The following AK8 variants were observed in gnomAD, a reference collection of about 807,000 sequenced individuals.
The protein encoded by AK8 is adenylate kinase 8.
In AK8, 44 loss-of-function variants were observed where a neutral mutation model predicts 54.6. The observed-to-expected ratio is 0.81, with a 90% CI of 0.63 to 1.04. The LOEUF (loss-of-function observed/expected upper bound fraction) is 1.04. AK8 is among the 50% of genes least tolerant of loss of function. The pLI is 0.00. For synonymous variants in AK8, 239 were observed against 245.6 expected (o/e 0.97, Z 0.25); for missense variants, 555 against 613.6 (o/e 0.90, Z 1.01).
At position 132,837,211 on chromosome 9, in the gene AK8, C is replaced by T. The variant is rs375013724; in HGVS notation, c.403-8485G>A. On this transcript the variant is annotated intron_variant, in intron 5 of 12. Coordinates refer to ENST00000298545, the MANE Select transcript of AK8 (RefSeq NM_152572.3). This position sits in a 1 kb window ranked among gnomAD's most constrained non-coding sequence, Gnocchi z 4.3. ...GCGGGCGCCTGTAATCCCAGCTACT[C>T]GGGAGACTGAGGCAGGAGAATCGCT... 2.7e-5 allele frequency among the ~76,000 whole-genome samples: 4 copies of T among 150,804 alleles called. No individual in the cohort carries two copies. The East Asian group carries it at 7.9e-4, about 30-fold the overall frequency.
rs967743096 is a variant in AK8 at position 132,808,577 on chromosome 9, T to A, written c.979+6061A>T. ...AGGACAAAAAAAGAACATAACTAAGTCTGCAGAGGTCACGGCTGGGACATA... is the reference window on the plus strand; with the variant it reads ...AGGACAAAAAAAGAACATAACTAAGACTGCAGAGGTCACGGCTGGGACATA... On this transcript the variant is annotated intron_variant, in intron 10 of 12. Coordinates refer to ENST00000298545, the MANE Select transcript of AK8 (RefSeq NM_152572.3). 6.6e-5 allele frequency among the ~76,000 whole-genome samples: 10 copies of A among 152,284 alleles called. No homozygotes were observed. The East Asian group carries it at 1.5e-3, about 24-fold the overall frequency.
intron 11 of AK8, among the ~76,000 whole-genome samples, chr9:132,740,710 C>CA (rs912790047): frequency 2.1e-5 from 3 of 146,056 alleles, no homozygotes; most frequent in Non-Finnish European, 4.6e-5. Context: ...TAGAGCTGAG[C>CA]ACCCCCCCGC....
intron 11 of AK8, among the ~76,000 whole-genome samples, chr9:132,730,721 T>C (rs1836803696): frequency 6.6e-6 from 1 of 152,144 alleles, no homozygotes; most frequent in Admixed American, 6.5e-5. Flanking sequence ...CCAAAGGTCC[T>C]GTGAGCCCCG....
Position 132,827,056 on chromosome 9 carries a change from T to C in AK8, c.557-2A>G, listed in dbSNP as rs200008603. 7 of 1,611,798 alleles carry C rather than the reference T, an allele frequency of 4.3e-6. No homozygotes were observed. In the East Asian group the frequency reaches 1.6e-4, roughly 36 times the overall value. On this transcript the variant is annotated splice_acceptor_variant, in intron 7 of 12. Coordinates refer to ENST00000298545, the MANE Select transcript of AK8 (RefSeq NM_152572.3). LOFTEE classifies it high-confidence loss of function. ...AGTCAAAGGTGGTGTGATAAATCTCTACAAGGAGAGAGGTGCACAGTTAGA... is the reference window on the plus strand; with the variant it reads ...AGTCAAAGGTGGTGTGATAAATCTCCACAAGGAGAGAGGTGCACAGTTAGA...
chr9:132,867,300 G>A (rs1843642589), intron 2 of AK8, among the ~76,000 whole-genome samples: 1 of 152,192 alleles, frequency 6.6e-6, no homozygotes, highest in South Asian at 2.1e-4. Flanking sequence ...CAATAAGGCT[G>A]TAATTTATGC....
chr9:132,745,019 T>C (rs531964701), intron 11 of AK8, among the ~76,000 whole-genome samples: 17 of 152,222 alleles, frequency 1.1e-4, no homozygotes, highest in African/African-American at 3.1e-4. Flanking sequence ...AGCTCACAGA[T>C]TGAGTTTCTG....
chr9:132,790,837 T>C lies in AK8; in HGVS notation c.1121+1797A>G, dbSNP rs113995801. 3.2e-3 allele frequency among the ~76,000 whole-genome samples: 481 copies of C among 152,280 alleles called. 1 individual carries two copies. The highest frequency in any genetic ancestry group is 0.011 in the African/African-American group (459 of 41,546). ...CAGTAAGAGGGTTTGAGAAGGTGGC[T>C]GGGGTATAAAATAAGTAAGCCAAAA... On this transcript the variant is annotated intron_variant, in intron 11 of 12. Transcript: ENST00000298545. This position sits in a 1 kb window ranked among gnomAD's most constrained non-coding sequence, Gnocchi z 4.1.
intron 8 of AK8, among the ~76,000 whole-genome samples, chr9:132,823,577 T>C (rs1333009312): frequency 6.6e-6 from 1 of 152,200 alleles, no homozygotes; most frequent in African/African-American, 2.4e-5. Flanking sequence ...CGCCCTGGAT[T>C]CCTCTCAACA....
At chr9:132,757,094 G>A (rs1305903729) in intron 11 of AK8, among the ~76,000 whole-genome samples, 2 of 152,072 alleles carry the variant, frequency 1.3e-5, no homozygotes, top group Non-Finnish European at 2.9e-5. Context: ...CTATTACACC[G>A]CAGCAGTTGC....
intron 11 of AK8, among the ~76,000 whole-genome samples, chr9:132,771,849 T>C (rs889791648): frequency 1.3e-5 from 2 of 152,162 alleles, no homozygotes; most frequent in Admixed American, 6.5e-5. Context: ...GGGTAATTTA[T>C]ACAGGAAAGA....
chr9:132,770,396 A>C lies in AK8; in HGVS notation c.1121+22238T>G, dbSNP rs1838912158. Among the ~76,000 whole-genome samples, 1 of 151,664 alleles carries C rather than the reference A, an allele frequency of 6.6e-6. No individual in the cohort carries two copies. The highest frequency in any genetic ancestry group is 1.5e-5 in the Non-Finnish European group (1 of 67,888). On this transcript the variant is annotated intron_variant, in intron 11 of 12. Transcript: ENST00000298545. This position sits in a 1 kb window ranked among gnomAD's most constrained non-coding sequence, Gnocchi z 4.3. ...TGGCGTCCAGGGGCCTCTGGGTTTG[A>C]CTTTCATGGCTATGAATCTCGGAAT...
chr9:132,809,545 C>T (rs1032111255), intron 10 of AK8, among the ~76,000 whole-genome samples: 41 of 152,302 alleles, frequency 2.7e-4, no homozygotes, highest in African/African-American at 8.9e-4. Flanking sequence ...CTGGGGCAAG[C>T]GTGGGGGCCC....
chr9:132,846,675 T>C (rs1842765653), intron 5 of AK8, among the ~76,000 whole-genome samples: 1 of 152,164 alleles, frequency 6.6e-6, no homozygotes, highest in African/African-American at 2.4e-5. Flanking sequence ...GGCCTGTGAA[T>C]GGCACAAAAC....
chr9:132,803,713 C>G lies in AK8; in HGVS notation c.979+10925G>C, dbSNP rs544703122. Among the ~76,000 whole-genome samples, 1 of 152,256 alleles carries G rather than the reference C, an allele frequency of 6.6e-6. No homozygotes were observed. Among genetic ancestry groups the G allele is most frequent in the Non-Finnish European group, 1.5e-5 (1 of 68,014 alleles). On this transcript the variant is annotated intron_variant, in intron 10 of 12. Coordinates refer to ENST00000298545, the MANE Select transcript of AK8 (RefSeq NM_152572.3). This position sits in a 1 kb window ranked among gnomAD's most constrained non-coding sequence, Gnocchi z 4.4. ...GGAACCAAGTCTGTGTGATTCTGAG[C>G]CACGGCCCCTCCCATCTGGGAGTGA...
chr9:132,823,110 C>CA (rs1206418906), intron 9 of AK8, 95 bp downstream of exon 9: 1 of 1,464,264 alleles, frequency 6.8e-7, no homozygotes, highest in African/African-American at 1.5e-5. Context: ...CCTTCCCCCC[C>CA]AACACCACCC....
intron 11 of AK8, among the ~76,000 whole-genome samples, chr9:132,735,407 G>A (rs942155271): frequency 6.6e-6 from 1 of 152,206 alleles, no homozygotes; most frequent in Non-Finnish European, 1.5e-5. Context: ...TATGATGCCC[G>A]GTTCTGCCCA....
intron 8 of AK8, among the ~76,000 whole-genome samples, chr9:132,825,602 C>A (rs1002145425): frequency 1.3e-5 from 2 of 152,122 alleles, no homozygotes; most frequent in African/African-American, 2.4e-5. Flanking sequence ...CTAACCCACC[C>A]GCTGGCTGAT....
chr9:132,796,134 A>T (rs1457566275), intron 10 of AK8, among the ~76,000 whole-genome samples: 1 of 152,194 alleles, frequency 6.6e-6, no homozygotes, highest in East Asian at 1.9e-4. Context: ...AAGGTCATCT[A>T]GCCAGCTGGT....
rs1193725143 is a variant in AK8, at chr9:132,826,876, T to C, written c.735A>G (p.Pro245=). The C allele has an allele frequency of 4.3e-6, 7 of 1,614,096 alleles. No homozygotes were observed. The South Asian group carries it at 6.6e-5, about 15-fold the overall frequency. ...TACCCTGGTAGAAGACGTCCACACA[T>C]GGCTGGTCAGCACTGATGACTTTGA... ...KILKVISADQ[P]CVDVFYQALT... is the part of the protein sequence containing the mutation. The change falls in exon 8 of 13, where the codon CCA becomes CCG. Residue 245 remains proline (P), a synonymous_variant. Transcript: ENST00000298545. The surrounding 1 kb of genome is among the most constrained non-coding windows in gnomAD (Gnocchi z 4.5).
Sources: allele counts gnomAD v4.1 joint callset (sites outside exome capture counted in the v4.1 genomes callset), GRCh38; gene constraint gnomAD v4.1.1; non-coding constraint Gnocchi (gnomAD v3.1); transcripts MANE v1.5; gene names NCBI Gene and HGNC (gene_info 2026-07-23, HGNC 2026-07-21).